LITAF: variants seen among roughly 807,000 people sequenced by gnomAD.
LITAF encodes lipopolysaccharide induced TNF factor.
LITAF carries 9 observed loss-of-function variants against 14.5 expected under a neutral mutation model. That is an observed-to-expected ratio of 0.62 (90% CI 0.37 to 1.08). The LOEUF (loss-of-function observed/expected upper bound fraction) is 1.08, where lower values mean the gene tolerates loss of function less well. Among genes scored for constraint, LITAF ranks in the 50% least tolerant of loss-of-function variants. The pLI is 0.01. For synonymous variants in LITAF, 98 were observed against 88.2 expected (o/e 1.11, Z -0.62); for missense variants, 206 against 213.4 (o/e 0.97, Z 0.22).
chr16:11,620,167 CAAAA>C (rs533195309), intron 3 of LITAF, among the ~76,000 whole-genome samples: 1 of 67,346 alleles, frequency 1.5e-5, no homozygotes, highest in African/African-American at 5.1e-5. Context: ...GAGTCCGTCT[CAAAA>C]AAAAAAAAAA....
intron 1 of LITAF, among the ~76,000 whole-genome samples, chr16:11,559,146 C>A (rs1351145402): frequency 6.6e-6 from 1 of 152,056 alleles, no homozygotes; most frequent in Non-Finnish European, 1.5e-5. Context: ...GTCCCAGCTA[C>A]CCAGGAGGCT....
At chr16:11,570,585 T>G (rs1022752289) in intron 1 of LITAF, among the ~76,000 whole-genome samples, 1 of 152,188 alleles carries the variant, frequency 6.6e-6, no homozygotes. Context: ...ATATGTGACC[T>G]TAAGTGGTAA....
chr16:11,562,313 C>CAAAAAAA (rs57317505), intron 1 of LITAF, among the ~76,000 whole-genome samples: 4 of 61,426 alleles, frequency 6.5e-5, no homozygotes, highest in Non-Finnish European at 9.2e-5. Context: ...GACTCCGTCT[C>CAAAAAAA]AAAAAAAAAA....
chr16:11,599,646 GA>G (rs1357754572), upstream of LITAF, among the ~76,000 whole-genome samples: 2 of 152,134 alleles, frequency 1.3e-5, no homozygotes, highest in African/African-American at 4.8e-5. Context: ...CCAAAGCCCA[GA>G]GAGGCGGCAG....
At chr16:11,550,022 T>C (rs919105699) in intron 3 of LITAF, among the ~76,000 whole-genome samples, 1 of 152,200 alleles carries the variant, frequency 6.6e-6, no homozygotes, top group Non-Finnish European at 1.5e-5. Flanking sequence ...CAAGGACACC[T>C]GGACCTACTA....
chr16:11,637,646 C>T (rs1013705786), upstream of LITAF, among the ~76,000 whole-genome samples: 14 of 152,196 alleles, frequency 9.2e-5, no homozygotes, highest in African/African-American at 3.4e-4. Context: ...ATATTCCCAG[C>T]TGAGGTGGGA....
chr16:11,637,658 G>A (rs533721273), upstream of LITAF, among the ~76,000 whole-genome samples: 4 of 151,810 alleles, frequency 2.6e-5, no homozygotes, highest in South Asian at 8.3e-4. Flanking sequence ...GAGGTGGGAG[G>A]ATCACTTGAG....
At chr16:11,568,837 G>A (rs2064498504) in intron 1 of LITAF, among the ~76,000 whole-genome samples, 1 of 151,960 alleles carries the variant, frequency 6.6e-6, no homozygotes, top group South Asian at 2.1e-4. Context: ...GCGCCACCAA[G>A]CCCAGCTAAT....
At chr16:11,609,881 A>AT (rs1387032423) in intron 3 of LITAF, among the ~76,000 whole-genome samples, 1 of 152,084 alleles carries the variant, frequency 6.6e-6, no homozygotes, top group Non-Finnish European at 1.5e-5. Context: ...ATGGAAACAA[A>AT]TTTTCACTGT....
intron 1 of LITAF, among the ~76,000 whole-genome samples, chr16:11,563,433 A>G (rs1197421635): frequency 6.6e-6 from 1 of 152,116 alleles, no homozygotes; most frequent in African/African-American, 2.4e-5. Flanking sequence ...TACAGGCGTG[A>G]GTCACCACGC....
chr16:11,638,026 ATATATC>A (rs1246088577), upstream of LITAF, among the ~76,000 whole-genome samples: 27 of 98,690 alleles, frequency 2.7e-4, 1 homozygote, highest in South Asian at 1.2e-3. Context: ...ATATATATCT[ATATATC>A]TATATATATC....
Position 11,605,653 on chromosome 16 carries a change from C to T in LITAF, c.85+27880G>A, listed in dbSNP as rs567588135. Among the ~76,000 whole-genome samples the T allele has an allele frequency of 1.4e-4, 21 of 152,144 alleles. No individual in the cohort carries two copies. The highest frequency in any genetic ancestry group is 2.6e-4 in the Non-Finnish European group (18 of 68,016). Reference sequence around the variant, plus strand: ...AAGAAAAAGTAAAGCAGCAGCCAGCCGGGCACGGAGGCCAAGGCAGGAGGA... The same window carrying T: ...AAGAAAAAGTAAAGCAGCAGCCAGCTGGGCACGGAGGCCAAGGCAGGAGGA... On this transcript the variant is annotated intron_variant, in intron 3 of 3. Coordinates refer to the LITAF transcript ENST00000574848. The surrounding 1 kb of genome is among the most constrained non-coding windows in gnomAD (Gnocchi z 4.7).
rs2065130712 is a variant in LITAF, at chr16:11,634,523, C to T, written c.-20-886G>A. Among the ~76,000 whole-genome samples the T allele has an allele frequency of 6.6e-6, 1 of 152,200 alleles. No homozygotes were observed. Among genetic ancestry groups the T allele is most frequent in the Non-Finnish European group, 1.5e-5 (1 of 68,044 alleles). On this transcript the variant is annotated intron_variant, in intron 2 of 3. Transcript: ENST00000574848. The surrounding 1 kb of genome is among the most constrained non-coding windows in gnomAD (Gnocchi z 4.1). ...CTTCCCCTATTGCCCCTGCAGATAA[C>T]ATCACTATTGTAGAATCTAAGATCG...
upstream of LITAF, among the ~76,000 whole-genome samples, chr16:11,600,790 G>A (rs975387284): frequency 6.6e-6 from 1 of 152,066 alleles, no homozygotes; most frequent in Non-Finnish European, 1.5e-5. This position sits in a 1 kb window ranked among gnomAD's most constrained non-coding sequence, Gnocchi z 4.1. Context: ...CACCAACCCT[G>A]TGTCCCCTCT....
intron 1 of LITAF, among the ~76,000 whole-genome samples, chr16:11,580,116 G>C (rs950748323): frequency 4.6e-5 from 7 of 152,150 alleles, no homozygotes; most frequent in African/African-American, 1.7e-4. Flanking sequence ...TAGAGATGCT[G>C]AACCAGTAAG....
upstream of LITAF, among the ~76,000 whole-genome samples, chr16:11,638,807 T>A (rs1237294937): frequency 6.6e-6 from 1 of 151,844 alleles, no homozygotes; most frequent in Non-Finnish European, 1.5e-5. Flanking sequence ...ATTAGTAGAT[T>A]TCCAATAGGA....
At chr16:11,581,639 A>G (rs781782761) in intron 1 of LITAF, among the ~76,000 whole-genome samples, 1 of 152,158 alleles carries the variant, frequency 6.6e-6, no homozygotes, top group African/African-American at 2.4e-5. Flanking sequence ...TAAGTAAATA[A>G]AGTATATTTT....
At chr16:11,595,124 C>T (rs531895054) in intron 1 of LITAF, among the ~76,000 whole-genome samples, 12 of 152,304 alleles carry the variant, frequency 7.9e-5, no homozygotes, top group South Asian at 2.1e-4. Context: ...CGACCAATTC[C>T]GGTCACTCAT....
chr16:11,565,842 C>T (rs1196285068), intron 1 of LITAF, among the ~76,000 whole-genome samples: 1 of 146,400 alleles, frequency 6.8e-6, no homozygotes, highest in Non-Finnish European at 1.5e-5. Context: ...TCACCTCCTC[C>T]AAGAAGCCCT....
Sources: allele counts gnomAD v4.1 joint callset (sites outside exome capture counted in the v4.1 genomes callset), GRCh38; gene constraint gnomAD v4.1.1; non-coding constraint Gnocchi (gnomAD v3.1); transcripts MANE v1.5; gene names NCBI Gene and HGNC (gene_info 2026-07-23, HGNC 2026-07-21).